MTMR8: variants seen among roughly 807,000 people sequenced by gnomAD.
MTMR8 encodes the protein myotubularin related protein 8, also known as phosphatidylinositol-3,5-bisphosphate 3-phosphatase MTMR8.
Under a neutral mutation model 39.3 loss-of-function variants are expected in MTMR8, and 65 were observed. That is an observed-to-expected ratio of 1.65 (90% CI 1.35 to 2.03). The LOEUF (loss-of-function observed/expected upper bound fraction) is 2.03, where lower values mean the gene tolerates loss of function less well. Ranked by LOEUF, MTMR8 falls within the 30% of genes most tolerant of loss-of-function variation. MTMR8 has a pLI of 0.00. For synonymous variants in MTMR8, 245 were observed against 185.2 expected, an observed-to-expected ratio of 1.32 and a Z score of -2.62; for missense variants, 777 against 538.9, an observed-to-expected ratio of 1.44 and a Z score of -4.37.
chrX:64,286,125 A>G (rs1383000178), intron 12 of MTMR8, among the ~76,000 whole-genome samples: 1 of 111,993 alleles, frequency 8.9e-6, no homozygotes, highest in Non-Finnish European at 1.9e-5. Flanking sequence ...TAGATGCAAT[A>G]AAAAATGATA....
In MTMR8 at chrX:64,305,837, T is replaced by A. The variant is rs749613408; in HGVS notation, c.1481+22935A>T. On this transcript the variant is annotated intron_variant, in intron 12 of 13. Transcript: ENST00000374852. Reference sequence around the variant, plus strand: ...GACATAAATTGGCCATAACCCAGGCTGGGCATGGTGGCTCACACTTGGAAT... The same window carrying A: ...GACATAAATTGGCCATAACCCAGGCAGGGCATGGTGGCTCACACTTGGAAT... 71 of 309,958 alleles carry A rather than the reference T, an allele frequency of 2.3e-4. 1 individual carries two copies. The East Asian group carries it at 4.1e-3, about 18-fold the overall frequency. 25.5% of individuals were successfully genotyped at this position (309,958 alleles called of 1,213,427 possible). A position where few individuals can be genotyped will look rare whatever the true frequency, so the allele number is the denominator to read the frequency against.
intron 12 of MTMR8, among the ~76,000 whole-genome samples, chrX:64,288,478 G>T (rs1921278712): frequency 1.8e-5 from 2 of 111,474 alleles, no homozygotes; most frequent in Admixed American, 1.9e-4. Context: ...CAGGGATCTA[G>T]AACTAGAAAT....
chrX:64,348,603 T>C lies in MTMR8; in HGVS notation c.732+57A>G. 5 of 1,179,501 alleles carry C rather than the reference T, an allele frequency of 4.2e-6. No homozygotes were observed. The South Asian group carries it at 7.2e-5, about 17-fold the overall frequency. The stretch of plus-strand genomic sequence containing the variant: ...CAATAACACTGCATGTCTCAATATA[T>C]GAGGAGGTAGAATGCAAGAGGCAGA... On this transcript the variant is annotated intron_variant, in intron 6 of 13. Transcript: ENST00000374852.
chrX:64,359,472 A>G lies in MTMR8; in HGVS notation c.80T>C (p.Ile27Thr). 8.3e-7 allele frequency: 1 copy of G among 1,208,965 alleles called. No homozygotes were observed. Among genetic ancestry groups the G allele is most frequent in the Non-Finnish European group, 1.1e-6 (1 of 893,707 alleles). Residue 27 changes from isoleucine to threonine, a missense_variant, in exon 2 of 14, where the codon ATT (isoleucine) becomes ACT (threonine). Transcript: ENST00000374852. ...CAGGTGGGTTGCAGTAAGATAAAGA[A>G]TCCCATTAGCTGGTTTCTTACTCAC... ...RYVSKKPANGILYLTATHLIY... is the reference protein window; with the variant it reads ...RYVSKKPANGTLYLTATHLIY...
chrX:64,289,203 A>C (rs1921311914), intron 12 of MTMR8, among the ~76,000 whole-genome samples: 1 of 110,489 alleles, frequency 9.1e-6, no homozygotes, highest in African/African-American at 3.3e-5. Context: ...TCAAAACCAC[A>C]ATGATATATC....
intron 12 of MTMR8, among the ~76,000 whole-genome samples, chrX:64,302,711 A>G (rs1921941318): frequency 8.9e-6 from 1 of 112,445 alleles, no homozygotes; most frequent in Admixed American, 9.4e-5. Context: ...CCACATGAGT[A>G]TATTTTTAGG....
chrX:64,340,521 C>T (rs1212481619), intron 8 of MTMR8, among the ~76,000 whole-genome samples: 2 of 111,008 alleles, frequency 1.8e-5, no homozygotes, highest in Non-Finnish European at 3.8e-5. Context: ...GTGAAACTGC[C>T]CTGGGCCATG....
intron 12 of MTMR8, among the ~76,000 whole-genome samples, chrX:64,308,554 G>A (rs1028720971): frequency 1.8e-5 from 2 of 109,486 alleles, no homozygotes; most frequent in South Asian, 3.9e-4. Flanking sequence ...ATCTATTATA[G>A]TTATACCTAT....
At chrX:64,374,390 G>T (rs1277818352) in intron 1 of MTMR8, among the ~76,000 whole-genome samples, 3 of 111,816 alleles carry the variant, frequency 2.7e-5, no homozygotes, top group Non-Finnish European at 5.6e-5. Context: ...AATAAACAAG[G>T]CATGATCCCT....
rs754559819 is a variant in MTMR8, at chrX:64,308,797, A to C, written c.1481+19975T>G. ...GTGTGTAAGCTCTGTGTCTAGATTC[A>C]ATTTTTTTCTTTTTTAATATGTGGA... is the stretch of plus-strand genomic sequence containing the variant. On this transcript the variant is annotated intron_variant, in intron 12 of 13. Coordinates refer to ENST00000374852, the MANE Select transcript of MTMR8 (RefSeq NM_017677.4). 2.7e-5 allele frequency among the ~76,000 whole-genome samples: 3 copies of C among 111,288 alleles called. No homozygotes were observed. In the South Asian group the frequency reaches 1.1e-3, roughly 42 times the overall value.
intron 1 of MTMR8, chrX:64,360,421 C>T (rs1280861489): frequency 4.2e-5 from 12 of 283,498 alleles, no homozygotes; most frequent in African/African-American, 6.0e-5. Context: ...AATGAAGATA[C>T]GGAACACTTA....
At position 64,269,034 on chromosome X, in the gene MTMR8, C is replaced by A; in HGVS notation, c.1618G>T (p.Val540Phe). The A allele has an allele frequency of 3.3e-6, 4 of 1,206,707 alleles. No homozygotes were observed. Among genetic ancestry groups the A allele is most frequent in the Non-Finnish European group, 4.5e-6 (4 of 893,245 alleles). Residue 540 changes from valine to phenylalanine, a missense_variant, in exon 14 of 14, where the codon GTC becomes TTC. Transcript: ENST00000374852. ...ATCTCTTCTGGTGGCTCATCACGGACTTTTAGTTTCTGCCTCAGGAGCAAG... is the reference window on the plus strand; with the variant it reads ...ATCTCTTCTGGTGGCTCATCACGGAATTTTAGTTTCTGCCTCAGGAGCAAG... Reference protein sequence around the residue: ...DVHELEKKLKVRDEPPEEICT... With the variant: ...DVHELEKKLKFRDEPPEEICT...
At chrX:64,332,336 C>G (rs951442774) in intron 10 of MTMR8, among the ~76,000 whole-genome samples, 3 of 111,635 alleles carry the variant, frequency 2.7e-5, no homozygotes, top group Non-Finnish European at 5.6e-5. Context: ...GACTGAAACA[C>G]TATTCCACTG....
At chrX:64,311,746 T>C (rs1027305882) in intron 12 of MTMR8, among the ~76,000 whole-genome samples, 1 of 107,789 alleles carries the variant, frequency 9.3e-6, no homozygotes, top group African/African-American at 3.5e-5. Context: ...ATTTATTAAA[T>C]AGGGAATCCT....
chrX:64,308,450 T>G (rs1240801273), intron 12 of MTMR8, among the ~76,000 whole-genome samples: 19 of 107,830 alleles, frequency 1.8e-4, no homozygotes, highest in Non-Finnish European at 3.4e-4. Context: ...ATTACAGGCA[T>G]GAGCCACTGT....
chrX:64,307,634 C>T (rs1381495362), intron 12 of MTMR8, among the ~76,000 whole-genome samples: 1 of 111,517 alleles, frequency 9.0e-6, no homozygotes, highest in Non-Finnish European at 1.9e-5. Context: ...ATAATGGTTC[C>T]TCCCACCTTA....
intron 12 of MTMR8, among the ~76,000 whole-genome samples, chrX:64,321,521 G>A (rs1165569197): frequency 9.0e-6 from 1 of 111,588 alleles, no homozygotes; most frequent in South Asian, 3.7e-4. Context: ...AGGTCCATTG[G>A]GGTTACCCTG....
chrX:64,359,304 G>A (rs1923714035), intron 2 of MTMR8, 101 bp downstream of exon 2: 13 of 879,424 alleles, frequency 1.5e-5, no homozygotes, highest in African/African-American at 2.1e-5. Flanking sequence ...AGGTTTTACA[G>A]CAATTTAAAA....
intron 3 of MTMR8, among the ~76,000 whole-genome samples, chrX:64,355,295 T>C (rs1417184069): frequency 2.7e-5 from 3 of 112,046 alleles, no homozygotes; most frequent in Non-Finnish European, 5.6e-5. Context: ...GTCCTAATAG[T>C]ACTGCTTATT....
Sources: allele counts gnomAD v4.1 joint callset (sites outside exome capture counted in the v4.1 genomes callset), GRCh38; gene constraint gnomAD v4.1.1; transcripts MANE v1.5; gene names NCBI Gene and HGNC (gene_info 2026-07-23, HGNC 2026-07-21).